Variants in ANK3 observed in about 807,000 individuals in gnomAD.
ANK3 encodes ankyrin 3.
In ANK3, 57 loss-of-function variants were observed where a neutral mutation model predicts 370.9. That is an observed-to-expected ratio of 0.15 (90% CI 0.12 to 0.19). The LOEUF (loss-of-function observed/expected upper bound fraction) is 0.19. Among genes scored for constraint, ANK3 ranks in the 10% least tolerant of loss-of-function variants. The pLI, the probability that ANK3 is intolerant of heterozygous loss-of-function variation, is 1.00. For synonymous variants in ANK3, 1,929 were observed against 1,946.3 expected (o/e 0.99, Z 0.23); for missense variants, 4,439 against 5,302.1 (o/e 0.84, Z 5.06).
intron 1 of ANK3, among the ~76,000 whole-genome samples, chr10:60,645,255 C>T (rs994658033): frequency 2.0e-5 from 3 of 152,094 alleles, no homozygotes; most frequent in Non-Finnish European, 4.4e-5. Context: ...TGCAAACATT[C>T]TATTAAAAAA....
intron 1 of ANK3, among the ~76,000 whole-genome samples, chr10:60,644,885 T>C (rs1222214755): frequency 1.8e-5 from 2 of 112,370 alleles, no homozygotes; most frequent in East Asian, 5.0e-4. Flanking sequence ...CAGATAGTTT[T>C]AGTTTAAAAA....
chr10:60,417,359 A>G (rs750116395), intron 2 of ANK3, among the ~76,000 whole-genome samples: 4 of 152,210 alleles, frequency 2.6e-5, no homozygotes, highest in Non-Finnish European at 5.9e-5. Flanking sequence ...AGAAAAAGTT[A>G]TAAACCTGGC....
At chr10:60,628,496 T>C (rs1595362660) in intron 1 of ANK3, among the ~76,000 whole-genome samples, 1 of 152,328 alleles carries the variant, frequency 6.6e-6, no homozygotes, top group Admixed American at 6.5e-5. Context: ...TGCTGAATTA[T>C]GACCCTATGA....
chr10:60,345,853 T>C (rs1324713447), intron 1 of ANK3, among the ~76,000 whole-genome samples: 1 of 152,124 alleles, frequency 6.6e-6, no homozygotes, highest in Non-Finnish European at 1.5e-5. Flanking sequence ...TTTGGACAAA[T>C]GTGGTCCCTT....
At chr10:60,112,380 T>G (rs1331933615) in intron 26 of ANK3, among the ~76,000 whole-genome samples, 2 of 151,792 alleles carry the variant, frequency 1.3e-5, no homozygotes, top group South Asian at 2.1e-4. Context: ...TTTTCCAATA[T>G]TAGACCCATA....
intron 2 of ANK3, among the ~76,000 whole-genome samples, chr10:60,419,768 G>A (rs1485501825): frequency 6.6e-6 from 1 of 152,102 alleles, no homozygotes; most frequent in Non-Finnish European, 1.5e-5. Context: ...CCTAACTTCA[G>A]GTGAGGCCAC....
intron 1 of ANK3, among the ~76,000 whole-genome samples, chr10:60,661,196 T>C (rs1447265032): frequency 6.6e-6 from 1 of 150,930 alleles, no homozygotes; most frequent in East Asian, 2.0e-4. Context: ...GACGGAACCA[T>C]AACCAGTATC....
chr10:60,101,210 C>T (rs1290994638), intron 28 of ANK3, among the ~76,000 whole-genome samples: 1 of 152,138 alleles, frequency 6.6e-6, no homozygotes, highest in Admixed American at 6.5e-5. Flanking sequence ...TCCATTTGTA[C>T]TAATTTTATT....
chr10:60,706,693 A>C (rs2079624175), intron 1 of ANK3, among the ~76,000 whole-genome samples: 1 of 152,170 alleles, frequency 6.6e-6, no homozygotes. Flanking sequence ...TTGTGTAATA[A>C]AGCTTTACAT....
At chr10:60,285,243 TAAC>T (rs1485898098) in intron 1 of ANK3, among the ~76,000 whole-genome samples, 4 of 152,172 alleles carry the variant, frequency 2.6e-5, no homozygotes, top group Non-Finnish European at 5.9e-5. Context: ...CTCAGGTAAT[TAAC>T]AATGTGAGTG....
At chr10:60,584,910 G>C (rs1044010728) in intron 2 of ANK3, among the ~76,000 whole-genome samples, 1 of 152,138 alleles carries the variant, frequency 6.6e-6, no homozygotes, top group Non-Finnish European at 1.5e-5. Context: ...GGCCCAGTGG[G>C]ACTGGTAGAT....
At chr10:60,107,413 A>T (rs1195632763) in intron 27 of ANK3, among the ~76,000 whole-genome samples, 1 of 152,174 alleles carries the variant, frequency 6.6e-6, no homozygotes, top group Non-Finnish European at 1.5e-5. Context: ...ATGTTCAATG[A>T]TATTGGAGAG....
At chr10:60,681,982 T>A (rs2079201979) in intron 1 of ANK3, among the ~76,000 whole-genome samples, 1 of 151,884 alleles carries the variant, frequency 6.6e-6, no homozygotes, top group African/African-American at 2.4e-5. Context: ...CAAGACTCCA[T>A]CTCTACAAAA....
intron 1 of ANK3, among the ~76,000 whole-genome samples, chr10:60,652,036 A>G (rs1469722909): frequency 6.6e-6 from 1 of 152,200 alleles, no homozygotes; most frequent in Non-Finnish European, 1.5e-5. Context: ...TTCTGGAAGA[A>G]CTGGTATCAT....
At chr10:60,218,097 C>CTTTTTTTTTTTTTTTTTTTTTTT (rs199989242) in intron 8 of ANK3, among the ~76,000 whole-genome samples, 2 of 126,170 alleles carry the variant, frequency 1.6e-5, no homozygotes, top group African/African-American at 3.2e-5. Flanking sequence ...CTTTTTCTTT[C>CTTTTTTTTTTTTTTTTTTTTTTT]TTTTTTTTTT....
chr10:60,302,443 ATAT>A (rs748471613), intron 1 of ANK3, among the ~76,000 whole-genome samples: 10 of 152,120 alleles, frequency 6.6e-5, no homozygotes, highest in Non-Finnish European at 1.5e-4. Context: ...ATAATATCAG[ATAT>A]TATAATAACA....
chr10:60,379,840 A>G (rs1161749903), intron 1 of ANK3, among the ~76,000 whole-genome samples: 2 of 152,084 alleles, frequency 1.3e-5, no homozygotes, highest in Non-Finnish European at 2.9e-5. Flanking sequence ...ATATAGTTTC[A>G]AATAGGTAGA....
chr10:60,369,281 A>G (rs2059803129), intron 1 of ANK3, among the ~76,000 whole-genome samples: 1 of 152,200 alleles, frequency 6.6e-6, no homozygotes, highest in South Asian at 2.1e-4. Context: ...GCCACACTTT[A>G]CTAGGACATT....
At chr10:60,379,916 A>G (rs917108798) in intron 1 of ANK3, among the ~76,000 whole-genome samples, 1 of 152,164 alleles carries the variant, frequency 6.6e-6, no homozygotes, top group Admixed American at 6.6e-5. Context: ...TATGCTAATT[A>G]TCTTGATCTG....
Sources: allele counts gnomAD v4.1 joint callset (sites outside exome capture counted in the v4.1 genomes callset), GRCh38; gene constraint gnomAD v4.1.1; transcripts MANE v1.5; gene names NCBI Gene and HGNC (gene_info 2026-07-23, HGNC 2026-07-21).